Variants in COPS5 observed in about 807,000 individuals in gnomAD.
The protein encoded by COPS5 is COP9 signalosome subunit 5, also known as COP9 signalosome complex subunit 5.
COPS5 carries 8 observed loss-of-function variants against 44.4 expected under a neutral mutation model. The ratio of observed to expected loss-of-function variants is 0.18; its 90% CI spans 0.11 to 0.32. The LOEUF is 0.32. Among genes scored for constraint, COPS5 ranks in the 10% least tolerant of loss-of-function variants. The probability of loss-of-function intolerance (pLI) is 1.00; values close to 1 mark genes in which losing one functional copy is unlikely to be tolerated. For synonymous variants in COPS5, 122 were observed against 142.8 expected, an observed-to-expected ratio of 0.85 and a Z score of 1.04; for missense variants, 159 against 406.4, an observed-to-expected ratio of 0.39 and a Z score of 5.23.
At position 67,043,081 on chromosome 8, in the gene COPS5, T is replaced by G; in HGVS notation, c.*152A>C. 2 of 468,158 alleles carry G rather than the reference T, an allele frequency of 4.3e-6. No homozygotes were observed. Among genetic ancestry groups the G allele is most frequent in the Non-Finnish European group, 7.6e-6 (2 of 261,836 alleles). The allele number at this position is 468,158 out of a possible 1,614,324, so 29.0% of individuals were successfully genotyped here. On this transcript the variant is annotated 3_prime_UTR_variant, in exon 8 of 8. Coordinates refer to ENST00000357849, the MANE Select transcript of COPS5 (RefSeq NM_006837.3). ...CCCACAAAAAAATCAAAGGACAATTTCATTTTAAAGAGCTTTATTACAGGA... is the reference window on the plus strand; with the variant it reads ...CCCACAAAAAAATCAAAGGACAATTGCATTTTAAAGAGCTTTATTACAGGA...
intron 6 of COPS5, chr8:67,047,772 T>C: frequency 1.4e-6 from 1 of 702,364 alleles, no homozygotes; most frequent in South Asian, 1.5e-5. Flanking sequence ...GCTTGCCTCA[T>C]ACAAAGGTTC....
At chr8:67,059,622 G>A (rs918765315) in intron 1 of COPS5, 177 bp from the exon 2 acceptor site, 1 of 596,670 alleles carries the variant, frequency 1.7e-6, no homozygotes, top group Non-Finnish European at 3.0e-6. Flanking sequence ...CAATAAGTAT[G>A]TCATAGTGCA....
At chr8:67,058,349 T>C (rs1181552922) in intron 2 of COPS5, 138 bp from the exon 3 acceptor site, 1 of 709,666 alleles carries the variant, frequency 1.4e-6, no homozygotes, top group African/African-American at 1.8e-5. Context: ...ATGCGAAATC[T>C]ATGGGCAATT....
At chr8:67,055,009 G>A (rs998300060) in intron 5 of COPS5, among the ~76,000 whole-genome samples, 5 of 152,214 alleles carry the variant, frequency 3.3e-5, no homozygotes, top group Non-Finnish European at 2.9e-5. Context: ...ATGAACTAAT[G>A]AACATTTTCT....
chr8:67,053,889 C>A (rs1804456805), intron 5 of COPS5, among the ~76,000 whole-genome samples: 1 of 150,236 alleles, frequency 6.7e-6, no homozygotes, highest in South Asian at 2.1e-4. Context: ...GCCTGTAGTT[C>A]CAGCTACTCG....
intron 5 of COPS5, among the ~76,000 whole-genome samples, chr8:67,053,692 C>T (rs565128764): frequency 1.4e-5 from 2 of 145,718 alleles, no homozygotes; most frequent in African/African-American, 5.1e-5. Flanking sequence ...CAGAGTGAGA[C>T]TCCATCACAC....
chr8:67,054,638 GAATTT>G (rs1307013858), intron 5 of COPS5, among the ~76,000 whole-genome samples: 1 of 152,140 alleles, frequency 6.6e-6, no homozygotes, highest in African/African-American at 2.4e-5. Flanking sequence ...ATATATTTAA[GAATTT>G]AATTTTAGAA....
intron 1 of COPS5, chr8:67,061,361 G>A: frequency 4.4e-6 from 2 of 449,850 alleles, no homozygotes; most frequent in Admixed American, 2.5e-5. Flanking sequence ...AGGCGAAGGC[G>A]GGAGGATCGC....
intron 1 of COPS5, 113 bp downstream of exon 1, chr8:67,061,741 G>C (rs1804640371): frequency 9.5e-7 from 1 of 1,054,262 alleles, no homozygotes; most frequent in African/African-American, 1.6e-5. Context: ...CGCATATTCT[G>C]TCCCCCTCCC....
intron 6 of COPS5, among the ~76,000 whole-genome samples, chr8:67,050,416 G>A (rs1301627894): frequency 2.0e-5 from 3 of 152,140 alleles, no homozygotes; most frequent in Admixed American, 6.5e-5. Flanking sequence ...TCTACGCTGC[G>A]GCTCAGCAGT....
At chr8:67,050,878 C>G (rs1347322320) in intron 6 of COPS5, among the ~76,000 whole-genome samples, 1 of 152,012 alleles carries the variant, frequency 6.6e-6, no homozygotes, top group Admixed American at 6.6e-5. Flanking sequence ...CTTGTTTAAG[C>G]TCGTTTCATT....
At position 67,062,072 on chromosome 8, in the gene COPS5, C is replaced by A; in HGVS notation, c.-76G>T. On this transcript the variant is annotated 5_prime_UTR_variant, in exon 1 of 8. The change creates a new upstream start codon in the 5' untranslated region. Transcript: ENST00000357849. ...CCTCGCTAGGTTTCCGGGTGTGGGCCTTGACCCTCCGCACCACGGGAACAA... is the reference window on the plus strand; with the variant it reads ...CCTCGCTAGGTTTCCGGGTGTGGGCATTGACCCTCCGCACCACGGGAACAA... The A allele has an allele frequency of 6.2e-7, 1 of 1,605,410 alleles. No homozygotes were observed. Among genetic ancestry groups the A allele is most frequent in the Non-Finnish European group, 8.5e-7 (1 of 1,177,120 alleles).
intron 5 of COPS5, among the ~76,000 whole-genome samples, chr8:67,052,820 T>TAAA (rs750238033): frequency 1.8e-5 from 2 of 114,088 alleles, no homozygotes; most frequent in Admixed American, 9.1e-5. Flanking sequence ...GACTCTGTCT[T>TAAA]AAAAAAAAAA....
chr8:67,045,696 TAC>T (rs1454459470), intron 7 of COPS5, 114 bp downstream of exon 7: 16 of 1,015,346 alleles, frequency 1.6e-5, no homozygotes, highest in Non-Finnish European at 2.4e-5. Context: ...AATATTCAGG[TAC>T]CATTCTAAGT....
intron 1 of COPS5, 64 bp from the exon 2 acceptor site, chr8:67,059,509 T>G: frequency 2.4e-6 from 3 of 1,229,518 alleles, no homozygotes. Flanking sequence ...GAAAAGTTTT[T>G]ATGAAGATAA....
chr8:67,060,557 A>G, intron 1 of COPS5: 1 of 1,240,006 alleles, frequency 8.1e-7, no homozygotes, highest in East Asian at 5.6e-5. Flanking sequence ...TGGAGAAAAG[A>G]AGAAAGACAA....
At chr8:67,057,924 G>T (rs114133359) in intron 3 of COPS5, among the ~76,000 whole-genome samples, 159 bp downstream of exon 3, 141 of 152,318 alleles carry the variant, frequency 9.3e-4, no homozygotes, top group African/African-American at 2.7e-3. Context: ...TAAATAATTT[G>T]CTCAAAGTCC....
chr8:67,056,473 G>A (rs1244575224), intron 5 of COPS5, 46 bp downstream of exon 5: 2 of 683,382 alleles, frequency 2.9e-6, no homozygotes, highest in Non-Finnish European at 5.1e-6. Flanking sequence ...GGGATTATAG[G>A]TGTGAGTCAC....
intron 6 of COPS5, among the ~76,000 whole-genome samples, chr8:67,047,423 G>T (rs1367308798): frequency 6.6e-6 from 1 of 152,082 alleles, no homozygotes; most frequent in Non-Finnish European, 1.5e-5. Context: ...AGTTTATAGA[G>T]CTATTTAAGC....
Sources: allele counts gnomAD v4.1 joint callset (sites outside exome capture counted in the v4.1 genomes callset), GRCh38; gene constraint gnomAD v4.1.1; transcripts MANE v1.5; gene names NCBI Gene and HGNC (gene_info 2026-07-23, HGNC 2026-07-21).